Variants in CTNNA2 observed in about 807,000 individuals in gnomAD.
CTNNA2 encodes catenin alpha 2.
In CTNNA2, 42 loss-of-function variants were observed where a neutral mutation model predicts 101.0. The observed-to-expected ratio is 0.42, with a 90% CI of 0.32 to 0.54. The LOEUF is 0.54. CTNNA2 is among the 20% of genes least tolerant of loss of function. The pLI, the probability that CTNNA2 is intolerant of heterozygous loss-of-function variation, is 0.14. For missense variants in CTNNA2, 871 were observed against 1,223.1 expected (o/e 0.71, Z 4.29); for synonymous variants, 450 against 456.4 (o/e 0.99, Z 0.18).
chr2:79,771,300 T>C (rs796894219), intron 3 of CTNNA2, among the ~76,000 whole-genome samples: 11 of 152,332 alleles, frequency 7.2e-5, no homozygotes, highest in African/African-American at 2.6e-4. Flanking sequence ...TCATTGTCTT[T>C]TAGCTCAGCG....
At chr2:80,374,146 T>A in intron 7 of CTNNA2, among the ~76,000 whole-genome samples, 1 of 152,086 alleles carries the variant, frequency 6.6e-6, no homozygotes, top group East Asian at 1.9e-4. Context: ...GATGCTGAAG[T>A]TCGAGGTGCA....
At chr2:79,403,711 A>T (rs1678312613) in intron 4 of CTNNA2, among the ~76,000 whole-genome samples, 1 of 152,110 alleles carries the variant, frequency 6.6e-6, no homozygotes, top group South Asian at 2.1e-4. Flanking sequence ...AGAAAATTAA[A>T]AGCAATGAGA....
rs145933768 is a variant in CTNNA2 at position 79,796,844 on chromosome 2, T to C, written c.298+52262T>C. ...CAATCCACCCCGTCTTTATTATGCA[T>C]TCCTGCTGTGGCCTGGAGTACTGTG... On this transcript the variant is annotated intron_variant, in intron 3 of 18. Coordinates refer to ENST00000402739, the MANE Select transcript of CTNNA2 (RefSeq NM_001282597.3). 2.7e-3 allele frequency among the ~76,000 whole-genome samples: 411 copies of C among 152,330 alleles called. 2 individuals are homozygous for C. Among genetic ancestry groups the C allele is most frequent in the African/African-American group, 9.6e-3 (398 of 41,578 alleles).
At chr2:79,590,314 G>T (rs994518149) in intron 1 of CTNNA2, among the ~76,000 whole-genome samples, 2 of 151,886 alleles carry the variant, frequency 1.3e-5, no homozygotes, top group Non-Finnish European at 2.9e-5. Context: ...TACTTTTCAG[G>T]GAATGAAACA....
chr2:79,798,182 T>G (rs1043801948), intron 3 of CTNNA2, among the ~76,000 whole-genome samples: 11 of 152,190 alleles, frequency 7.2e-5, no homozygotes, highest in African/African-American at 2.7e-4. Context: ...ATTCCAAGAA[T>G]TCTGAATTTG....
chr2:79,571,329 T>C (rs1675447244), intron 1 of CTNNA2, among the ~76,000 whole-genome samples: 1 of 152,168 alleles, frequency 6.6e-6, no homozygotes, highest in Non-Finnish European at 1.5e-5. Context: ...AATTATAATT[T>C]CAGAACAGGA....
rs148414134 is a variant in CTNNA2 at position 79,971,337 on chromosome 2, A to T, written c.1056+61540A>T. On this transcript the variant is annotated intron_variant, in intron 7 of 18. Transcript: ENST00000402739. Reference sequence around the variant, plus strand: ...ACATATTATCATCACTATTATCATCATATTTCCTTATATCGTTTATTAATA... The same window carrying T: ...ACATATTATCATCACTATTATCATCTTATTTCCTTATATCGTTTATTAATA... 1.2e-4 allele frequency among the ~76,000 whole-genome samples: 18 copies of T among 152,226 alleles called. No homozygotes were observed. The East Asian group carries it at 2.5e-3, about 21-fold the overall frequency.
At chr2:79,761,811 T>G (rs769342122) in intron 3 of CTNNA2, among the ~76,000 whole-genome samples, 1 of 152,236 alleles carries the variant, frequency 6.6e-6, no homozygotes, top group African/African-American at 2.4e-5. Context: ...TTAAATGTCA[T>G]GATTAAAAAT....
At chr2:80,149,219 T>C (rs577871900) in intron 7 of CTNNA2, among the ~76,000 whole-genome samples, 20 of 152,198 alleles carry the variant, frequency 1.3e-4, no homozygotes, top group Middle Eastern at 3.4e-3. Context: ...GTGTTTTTTG[T>C]AGAGACAGGG....
chr2:80,380,320 G>C (rs1312448441), intron 7 of CTNNA2, among the ~76,000 whole-genome samples: 4 of 152,122 alleles, frequency 2.6e-5, no homozygotes, highest in Admixed American at 2.6e-4. Context: ...ACAGGCGTGA[G>C]CCACCGCACC....
intron 7 of CTNNA2, among the ~76,000 whole-genome samples, chr2:80,102,138 A>G (rs6748801): frequency 0.98 from 149,478 of 152,282 alleles, 73,372 homozygotes; most frequent in East Asian, 1. Flanking sequence ...ATATAAGGTT[A>G]GTAGGCAATG....
intron 4 of CTNNA2, among the ~76,000 whole-genome samples, chr2:79,441,626 A>C (rs1678778987): frequency 6.6e-6 from 1 of 152,170 alleles, no homozygotes; most frequent in Non-Finnish European, 1.5e-5. Context: ...ATTTTCAATA[A>C]GCTGCTATGC....
At chr2:79,477,503 C>G (rs1671063630) in intron 4 of CTNNA2, among the ~76,000 whole-genome samples, 1 of 152,134 alleles carries the variant, frequency 6.6e-6, no homozygotes, top group Admixed American at 6.5e-5. Context: ...TTCTTTACCT[C>G]CCTGATTTCT....
intron 1 of CTNNA2, among the ~76,000 whole-genome samples, chr2:79,593,542 C>T (rs1380377956): frequency 6.6e-6 from 1 of 152,120 alleles, no homozygotes; most frequent in Non-Finnish European, 1.5e-5. Context: ...TCAAGAGAAA[C>T]AGCCTGCCTT....
At chr2:80,073,129 A>G (rs1279375807) in intron 7 of CTNNA2, among the ~76,000 whole-genome samples, 1 of 152,252 alleles carries the variant, frequency 6.6e-6, no homozygotes, top group East Asian at 1.9e-4. Context: ...GGTTTGTGGC[A>G]TAAGGTTGCA....
At chr2:79,978,115 C>A (rs1179929241) in intron 7 of CTNNA2, among the ~76,000 whole-genome samples, 1 of 152,078 alleles carries the variant, frequency 6.6e-6, no homozygotes, top group Non-Finnish European at 1.5e-5. Flanking sequence ...CATTGAGATG[C>A]ATATTGTTTT....
intron 7 of CTNNA2, among the ~76,000 whole-genome samples, chr2:80,011,609 T>A (rs1196442848): frequency 6.7e-6 from 1 of 149,146 alleles, no homozygotes; most frequent in African/African-American, 2.4e-5. Flanking sequence ...AGATGAATGA[T>A]CTCCATGGTC....
chr2:80,636,181 C>A (rs762203496), intron 18 of CTNNA2, among the ~76,000 whole-genome samples: 29 of 152,046 alleles, frequency 1.9e-4, no homozygotes, highest in Non-Finnish European at 3.7e-4. Context: ...TTCTGGAAAG[C>A]TAGTTGGATG....
At chr2:79,714,118 C>G (rs1685919255) in intron 2 of CTNNA2, among the ~76,000 whole-genome samples, 2 of 152,074 alleles carry the variant, frequency 1.3e-5, no homozygotes, top group Admixed American at 6.6e-5. Flanking sequence ...CTTGCCTTTC[C>G]TCCAACAGGG....
Sources: gnomAD v4.1 joint callset for allele counts (sites outside exome capture counted in the v4.1 genomes callset) on GRCh38, gnomAD v4.1.1 for gene constraint, MANE v1.5 for transcripts, NCBI Gene and HGNC (gene_info 2026-07-23, HGNC 2026-07-21) for gene names.